The following CFAP47 variants were observed in gnomAD, a reference collection of about 807,000 sequenced individuals.
CFAP47 encodes cilia- and flagella-associated protein 47.
Under a neutral mutation model 148.1 loss-of-function variants are expected in CFAP47, and 29 were observed. That is an observed-to-expected ratio of 0.20 (90% CI 0.15 to 0.27). The LOEUF (loss-of-function observed/expected upper bound fraction) is 0.27. Ranked by LOEUF, CFAP47 falls within the 10% of genes least tolerant of loss-of-function variation. The probability of loss-of-function intolerance (pLI) is 1.00; values close to 1 mark genes in which losing one functional copy is unlikely to be tolerated. For missense variants in CFAP47, 1,872 were observed against 1,697.5 expected (o/e 1.10, Z -1.81); for synonymous variants, 664 against 577.3 (o/e 1.15, Z -2.15).
At chrX:36,109,985 A>T (rs1307364055) in intron 33 of CFAP47, among the ~76,000 whole-genome samples, 1 of 111,511 alleles carries the variant, frequency 9.0e-6, no homozygotes. Context: ...TAAGTTCCTT[A>T]TAGATGACCT....
chrX:36,133,428 G>A (rs1938984775), intron 33 of CFAP47, among the ~76,000 whole-genome samples: 1 of 110,921 alleles, frequency 9.0e-6, no homozygotes, highest in African/African-American at 3.3e-5. Context: ...GGTTGCATTT[G>A]ATGAGGGCCT....
At chrX:36,311,226 G>T (rs969355050) in intron 56 of CFAP47, among the ~76,000 whole-genome samples, 10 of 110,431 alleles carry the variant, frequency 9.1e-5, no homozygotes, top group African/African-American at 1.3e-4. Context: ...TTCCAAATTT[G>T]GTCTATAAAC....
intron 63 of CFAP47, among the ~76,000 whole-genome samples, chrX:36,381,879 T>G (rs1324839137): frequency 9.1e-6 from 1 of 110,397 alleles, no homozygotes; most frequent in African/African-American, 3.3e-5. Context: ...AGTGATTTCA[T>G]TGATAATATA....
intron 16 of CFAP47, chrX:35,989,651 G>T: frequency 3.2e-6 from 3 of 947,347 alleles, no homozygotes; most frequent in Non-Finnish European, 4.2e-6. Flanking sequence ...TTTATTAAGA[G>T]ACACAAAAAG....
intron 21 of CFAP47, among the ~76,000 whole-genome samples, chrX:36,014,311 A>AT (rs34563626): frequency 2.7e-5 from 3 of 111,653 alleles, no homozygotes; most frequent in East Asian, 5.6e-4. Context: ...TACAAGATAG[A>AT]TTTTTTGTGA....
intron 26 of CFAP47, among the ~76,000 whole-genome samples, chrX:36,063,682 T>C (rs1937612821): frequency 8.9e-6 from 1 of 112,138 alleles, no homozygotes; most frequent in Non-Finnish European, 1.9e-5. Context: ...GGTTTGTTCA[T>C]TTGGTAGTTG....
At position 36,346,891 on chromosome X, in the gene CFAP47, G is replaced by T. The variant is rs782347386; in HGVS notation, c.8444-1238G>T. Among the ~76,000 whole-genome samples, 9 of 112,030 alleles carry T rather than the reference G, an allele frequency of 8.0e-5. No individual in the cohort carries two copies. In the South Asian group the frequency reaches 3.4e-3, roughly 42 times the overall value. On this transcript the variant is annotated intron_variant, in intron 57 of 63. Transcript: ENST00000378653. ...ACACAGGCATGGGCAAAGACTTCAT[G>T]CCTAAAACACCAAAAGCAATGGCAA...
At chrX:36,068,621 A>C (rs907710079) in intron 27 of CFAP47, among the ~76,000 whole-genome samples, 1 of 111,702 alleles carries the variant, frequency 9.0e-6, no homozygotes, top group Non-Finnish European at 1.9e-5. Context: ...AGGGAGAGAT[A>C]GATATCTCAA....
chrX:36,220,685 A>T (rs1940205050), intron 45 of CFAP47, among the ~76,000 whole-genome samples: 1 of 111,264 alleles, frequency 9.0e-6, no homozygotes, highest in Non-Finnish European at 1.9e-5. Context: ...TTATCTTACT[A>T]GGAGCAAATA....
chrX:36,292,491 A>G (rs6629069), intron 51 of CFAP47, among the ~76,000 whole-genome samples: 25,134 of 111,135 alleles, frequency 0.23, 2,529 homozygotes, highest in African/African-American at 0.38. Context: ...ATATTATTGT[A>G]TGTTTTCTCC....
At chrX:35,963,737 A>G (rs1243728898) in intron 8 of CFAP47, among the ~76,000 whole-genome samples, 1 of 111,491 alleles carries the variant, frequency 9.0e-6, no homozygotes, top group Non-Finnish European at 1.9e-5. Flanking sequence ...GAAACTTTAA[A>G]AACATTTAAT....
At chrX:36,350,714 A>T (rs782801550) in intron 59 of CFAP47, among the ~76,000 whole-genome samples, 2 of 107,045 alleles carry the variant, frequency 1.9e-5, no homozygotes, top group Admixed American at 2.0e-4. Context: ...GCCTCGGCAT[A>T]CCCTAGACTT....
intron 39 of CFAP47, among the ~76,000 whole-genome samples, chrX:36,164,263 A>G (rs1243902877): frequency 9.0e-6 from 1 of 111,514 alleles, no homozygotes; most frequent in Non-Finnish European, 1.9e-5. Flanking sequence ...TCATAATTAA[A>G]AGGGCAGTAT....
At chrX:35,974,690 A>G in intron 13 of CFAP47, among the ~76,000 whole-genome samples, 1 of 111,930 alleles carries the variant, frequency 8.9e-6, no homozygotes, top group Non-Finnish European at 1.9e-5. Context: ...TGTTAAAGGC[A>G]GGGCAAAACT....
chrX:35,977,926 T>C (rs779406079), intron 15 of CFAP47, among the ~76,000 whole-genome samples: 75 of 111,844 alleles, frequency 6.7e-4, no homozygotes, highest in African/African-American at 1.8e-3. Context: ...AATCTTCTTA[T>C]TAATGTGGAT....
intron 26 of CFAP47, among the ~76,000 whole-genome samples, chrX:36,053,711 A>G (rs1937532612): frequency 8.9e-6 from 1 of 112,391 alleles, no homozygotes; most frequent in Non-Finnish European, 1.9e-5. Flanking sequence ...TGTTTCATTT[A>G]TATTTAACAA....
intron 1 of CFAP47, among the ~76,000 whole-genome samples, chrX:35,920,763 C>T (rs192666301): frequency 3.4e-4 from 38 of 111,235 alleles, no homozygotes; most frequent in Non-Finnish European, 6.4e-4. Context: ...ATAGGAAATG[C>T]GATAAGAATT....
chrX:35,952,100 C>G (rs761601517), intron 6 of CFAP47, 137 bp downstream of exon 6: 3 of 569,670 alleles, frequency 5.3e-6, no homozygotes, highest in Admixed American at 5.5e-5. Flanking sequence ...TGTCATGGTT[C>G]TAGATGTTTC....
chrX:36,182,245 C>G (rs1939758870), intron 40 of CFAP47, among the ~76,000 whole-genome samples: 1 of 112,038 alleles, frequency 8.9e-6, no homozygotes, highest in Non-Finnish European at 1.9e-5. Context: ...GTTTGTAGCC[C>G]ATTGGCCAGA....
Sources: allele counts gnomAD v4.1 joint callset (sites outside exome capture counted in the v4.1 genomes callset), GRCh38; gene constraint gnomAD v4.1.1; transcripts MANE v1.5; gene names NCBI Gene and HGNC (gene_info 2026-07-23, HGNC 2026-07-21).